The following SLC36A1 variants were observed in gnomAD, a reference collection of about 807,000 sequenced individuals.
SLC36A1 encodes the protein solute carrier family 36 member 1.
A neutral mutation model predicts 47.5 loss-of-function variants in SLC36A1; 30 were observed. The observed-to-expected ratio is 0.63, with a 90% confidence interval of 0.47 to 0.86. The LOEUF is 0.86. Among genes scored for constraint, SLC36A1 ranks in the 40% least tolerant of loss-of-function variants. SLC36A1 has a pLI of 0.00. For synonymous variants in SLC36A1, 255 were observed against 249.7 expected, an observed-to-expected ratio of 1.02 and a Z score of -0.20; for missense variants, 517 against 606.0, an observed-to-expected ratio of 0.85 and a Z score of 1.54.
At chr5:151,346,639 TAGC>T in the SLC36A1 span, among the ~76,000 whole-genome samples, 1 of 152,156 alleles carries the variant, frequency 6.6e-6, no homozygotes, top group Non-Finnish European at 1.5e-5. Context: ...CTAAGTAAAC[TAGC>T]AAGTCTGGTT....
At chr5:151,384,979 T>G in the SLC36A1 span, among the ~76,000 whole-genome samples, 1 of 127,988 alleles carries the variant, frequency 7.8e-6, no homozygotes, top group Non-Finnish European at 1.6e-5. Flanking sequence ...TGTATGTGTG[T>G]GTGTGTGGGT....
At chr5:151,521,949 GCCACC>G in the SLC36A1 span, 1 of 1,614,196 alleles carries the variant, frequency 6.2e-7, no homozygotes, top group African/African-American at 1.3e-5. Context: ...TACCCACCAT[GCCACC>G]CTGGAACTCA....
At chr5:151,554,579 G>C in the SLC36A1 span, 3 of 1,614,092 alleles carry the variant, frequency 1.9e-6, no homozygotes, top group African/African-American at 4.0e-5. Flanking sequence ...GAGCTTGTGG[G>C]AGAATATAGG....
chr5:151,507,388 T>C, the SLC36A1 span: 2 of 1,614,148 alleles, frequency 1.2e-6, no homozygotes, highest in South Asian at 2.2e-5. Context: ...ATGGCTTGGG[T>C]GTCAACACCA....
At chr5:151,532,648 A>T in the SLC36A1 span, among the ~76,000 whole-genome samples, 1 of 152,212 alleles carries the variant, frequency 6.6e-6, no homozygotes, top group African/African-American at 2.4e-5. Flanking sequence ...GAAAACACCC[A>T]TGGAAGTTCT....
At chr5:151,349,426 G>A in the SLC36A1 span, among the ~76,000 whole-genome samples, 1 of 152,068 alleles carries the variant, frequency 6.6e-6, no homozygotes, top group Non-Finnish European at 1.5e-5. Context: ...CTTCCAACAC[G>A]AGTGGCCCAG....
the SLC36A1 span, among the ~76,000 whole-genome samples, chr5:151,353,691 C>T: frequency 6.6e-6 from 1 of 152,062 alleles, no homozygotes. Flanking sequence ...CTGCCCTAAC[C>T]TAAAAATCAT....
At chr5:151,358,616 A>G in the SLC36A1 span, among the ~76,000 whole-genome samples, 12 of 152,172 alleles carry the variant, frequency 7.9e-5, no homozygotes, top group African/African-American at 2.9e-4. Flanking sequence ...CCTCAACATT[A>G]CTGACTGGAG....
At chr5:151,439,534 G>A (rs758679107) in intron 1 of SLC36A1, among the ~76,000 whole-genome samples, 5 of 151,704 alleles carry the variant, frequency 3.3e-5, no homozygotes, top group African/African-American at 1.2e-4. Flanking sequence ...GTGCCTGTAG[G>A]TCCAGCTACT....
chr5:151,543,276 G>A, the SLC36A1 span: 164 of 1,614,162 alleles, frequency 1.0e-4, no homozygotes, highest in Non-Finnish European at 1.2e-4. Context: ...TGACATCTGC[G>A]TTCTGACCTT....
chr5:151,407,178 A>G, the SLC36A1 span, among the ~76,000 whole-genome samples: 2 of 152,230 alleles, frequency 1.3e-5, no homozygotes, highest in East Asian at 3.9e-4. Flanking sequence ...GAAGAGCAAA[A>G]GAACAAAGCT....
intron 1 of SLC36A1, among the ~76,000 whole-genome samples, chr5:151,457,392 TATC>T (rs1754718252): frequency 6.6e-6 from 1 of 152,112 alleles, no homozygotes; most frequent in Non-Finnish European, 1.5e-5. Flanking sequence ...CCTTATTGTG[TATC>T]TTTAAGAAGC....
the SLC36A1 span, among the ~76,000 whole-genome samples, chr5:151,549,887 T>C: frequency 5.3e-5 from 8 of 152,210 alleles, no homozygotes; most frequent in African/African-American, 1.9e-4. Context: ...GTCAAACAGT[T>C]TTCTTTGTTG....
chr5:151,534,503 C>G, the SLC36A1 span: 1 of 1,614,084 alleles, frequency 6.2e-7, no homozygotes, highest in Non-Finnish European at 8.5e-7. Context: ...GGAAGAACCG[C>G]GGGGCATTGT....
chr5:151,447,646 G>A lies in SLC36A1; in HGVS notation c.-173G>A, dbSNP rs1409546700. ...CCGGGCAGCAAAGGAGGATGGCGAG[G>A]GGCTGATACTGAACCCGGGAAGGGT... is the stretch of plus-strand genomic sequence containing the variant. On this transcript the variant is annotated 5_prime_UTR_variant, in exon 1 of 11. Coordinates refer to ENST00000243389, the MANE Select transcript of SLC36A1 (RefSeq NM_078483.4). The A allele has an allele frequency of 6.5e-6, 1 of 152,680 alleles. No homozygotes were observed. Among genetic ancestry groups the A allele is most frequent in the East Asian group, 1.9e-4 (1 of 5,220 alleles). 9.5% of individuals were successfully genotyped at this position (152,680 alleles called of 1,614,324 possible).
the SLC36A1 span, among the ~76,000 whole-genome samples, chr5:151,415,406 C>T: frequency 6.6e-6 from 1 of 152,158 alleles, no homozygotes; most frequent in Non-Finnish European, 1.5e-5. Flanking sequence ...TCTGCCAGTT[C>T]CTGCAGTCCT....
intron 7 of SLC36A1, among the ~76,000 whole-genome samples, chr5:151,468,251 C>CAAAAAAAAAAAAAAAAAAAA (rs1214176868): frequency 1.6e-4 from 5 of 31,286 alleles, no homozygotes; most frequent in Admixed American, 3.7e-4. Context: ...GACTCTGTCT[C>CAAAAAAAAAAAAAAAAAAAA]AAAAAAAAAA....
intron 7 of SLC36A1, among the ~76,000 whole-genome samples, chr5:151,470,651 G>T (rs1757188101): frequency 6.6e-6 from 1 of 152,232 alleles, no homozygotes; most frequent in African/African-American, 2.4e-5. Context: ...AGCTAAAGAT[G>T]CTCCCTTTAG....
the SLC36A1 span, among the ~76,000 whole-genome samples, chr5:151,345,771 T>G: frequency 6.6e-6 from 1 of 152,232 alleles, no homozygotes; most frequent in African/African-American, 2.4e-5. Context: ...CGGTAAGTCA[T>G]GCAAAGCACC....
Sources: gnomAD v4.1 joint callset for allele counts (sites outside exome capture counted in the v4.1 genomes callset) on GRCh38, gnomAD v4.1.1 for gene constraint, MANE v1.5 for transcripts, NCBI Gene and HGNC (gene_info 2026-07-23, HGNC 2026-07-21) for gene names.